ACSL1: variants seen among roughly 807,000 people sequenced by gnomAD.
The protein encoded by ACSL1 is long-chain-fatty-acid--CoA ligase 1.
Under a neutral mutation model 98.4 loss-of-function variants are expected in ACSL1, and 41 were observed. That is an observed-to-expected ratio of 0.42 (90% CI 0.32 to 0.54). ACSL1 has a LOEUF of 0.54. Among genes scored for constraint, ACSL1 ranks in the 20% least tolerant of loss-of-function variants. The probability of loss-of-function intolerance (pLI) is 0.13; values close to 1 mark genes in which losing one functional copy is unlikely to be tolerated. For synonymous variants in ACSL1, 316 were observed against 322.7 expected, an observed-to-expected ratio of 0.98 and a Z score of 0.22; for missense variants, 734 against 883.1, an observed-to-expected ratio of 0.83 and a Z score of 2.14.
At chr4:184,809,964 T>A (rs987434284) in intron 1 of ACSL1, among the ~76,000 whole-genome samples, 1 of 152,156 alleles carries the variant, frequency 6.6e-6, no homozygotes, top group Non-Finnish European at 1.5e-5. Context: ...TCCACTGAAG[T>A]TGTTGAAATT....
At chr4:184,804,572 C>A (rs1231060950) in intron 1 of ACSL1, among the ~76,000 whole-genome samples, 11 of 150,476 alleles carry the variant, frequency 7.3e-5, no homozygotes, top group African/African-American at 2.7e-4. Context: ...CAAAGTGAGA[C>A]CCCGTCTCAA....
chr4:184,799,340 C>A (rs926697778), intron 2 of ACSL1, among the ~76,000 whole-genome samples: 3 of 152,062 alleles, frequency 2.0e-5, no homozygotes, highest in Admixed American at 1.3e-4. Context: ...AGGTCTTGAA[C>A]TCCTAACCTC....
intron 11 of ACSL1, among the ~76,000 whole-genome samples, 162 bp from the exon 12 acceptor site, chr4:184,768,612 C>A (rs1368107455): frequency 6.6e-6 from 1 of 152,120 alleles, no homozygotes; most frequent in Non-Finnish European, 1.5e-5. Context: ...ATTTACTAGT[C>A]ATTGTACAAC....
At chr4:184,795,641 C>T (rs904576318) in intron 2 of ACSL1, among the ~76,000 whole-genome samples, 38 of 152,208 alleles carry the variant, frequency 2.5e-4, no homozygotes, top group Admixed American at 2.4e-3. Flanking sequence ...CCACCCCACC[C>T]AACCACCACT....
intron 2 of ACSL1, among the ~76,000 whole-genome samples, chr4:184,791,337 C>T (rs1443525701): frequency 6.6e-6 from 1 of 152,188 alleles, no homozygotes; most frequent in African/African-American, 2.4e-5. Context: ...GGAACCCTGG[C>T]TGAGCAGAAG....
intron 1 of ACSL1, among the ~76,000 whole-genome samples, chr4:184,819,363 G>A (rs1241113777): frequency 1.3e-5 from 2 of 151,872 alleles, no homozygotes; most frequent in East Asian, 1.9e-4. Flanking sequence ...GGCTGGTCTC[G>A]AACTCCTGAC....
intron 1 of ACSL1, chr4:184,821,094 G>C: frequency 2.2e-6 from 1 of 456,294 alleles, no homozygotes; most frequent in Non-Finnish European, 4.4e-6. Flanking sequence ...GTACTAATGA[G>C]TTAACCCATC....
chr4:184,802,218 TA>T (rs1240013667), intron 2 of ACSL1, among the ~76,000 whole-genome samples: 2 of 152,226 alleles, frequency 1.3e-5, no homozygotes, highest in African/African-American at 4.8e-5. Flanking sequence ...AAGAATCTTT[TA>T]TATATTTTAA....
Position 184,773,564 on chromosome 4 carries a change from G to T in ACSL1, c.841+99C>A, listed in dbSNP as rs2150320286. The stretch of plus-strand genomic sequence containing the variant: ...AACCGCTTCCTTCTCTTCTGCTTTT[G>T]GTCCGTCTACTGTTAGCTGATAAGT... On this transcript the variant is annotated intron_variant, in intron 9 of 20. Coordinates refer to ENST00000281455, the MANE Select transcript of ACSL1 (RefSeq NM_001995.5). This position sits in a 1 kb window ranked among gnomAD's most constrained non-coding sequence, Gnocchi z 4.3. The T allele has an allele frequency of 3.5e-6, 4 of 1,141,828 alleles. No homozygotes were observed. The highest frequency in any genetic ancestry group is 5.0e-6 in the Non-Finnish European group (4 of 800,096). 70.7% of individuals were successfully genotyped at this position (1,141,828 alleles called of 1,614,324 possible).
chr4:184,785,635 G>T (rs1767150997), intron 3 of ACSL1, among the ~76,000 whole-genome samples: 1 of 113,344 alleles, frequency 8.8e-6, no homozygotes, highest in Non-Finnish European at 1.7e-5. Flanking sequence ...GAAGCAAATC[G>T]AGACCTGCAA....
chr4:184,816,108 C>T (rs1438570627), intron 1 of ACSL1, among the ~76,000 whole-genome samples: 1 of 151,044 alleles, frequency 6.6e-6, no homozygotes, highest in Non-Finnish European at 1.5e-5. Context: ...ACAACAGAGA[C>T]GCCATCCAAA....
chr4:184,793,138 G>T (rs1768696671), intron 2 of ACSL1, among the ~76,000 whole-genome samples: 1 of 150,258 alleles, frequency 6.7e-6, no homozygotes, highest in Non-Finnish European at 1.5e-5. Context: ...GGCTTTAGGA[G>T]TCTTTTATTC....
chr4:184,762,379 T>C (rs778153175), intron 17 of ACSL1, 28 bp downstream of exon 17: 1 of 1,566,138 alleles, frequency 6.4e-7, no homozygotes, highest in Middle Eastern at 1.7e-4. Flanking sequence ...AACTGAACTG[T>C]TTGTGACCTG....
chr4:184,771,715 T>C (rs905071261), intron 10 of ACSL1, among the ~76,000 whole-genome samples: 4 of 152,180 alleles, frequency 2.6e-5, no homozygotes, highest in East Asian at 3.8e-4. Flanking sequence ...AATGAGGGCA[T>C]TGTCGTTACC....
chr4:184,780,178 G>A (rs1227681934), intron 5 of ACSL1, among the ~76,000 whole-genome samples, 154 bp downstream of exon 5: 1 of 152,192 alleles, frequency 6.6e-6, no homozygotes, highest in Non-Finnish European at 1.5e-5. Context: ...AGCGGCCCTG[G>A]TTGAGGTTTT....
At chr4:184,812,454 C>T (rs537576586) in intron 1 of ACSL1, among the ~76,000 whole-genome samples, 1 of 152,194 alleles carries the variant, frequency 6.6e-6, no homozygotes, top group African/African-American at 2.4e-5. Flanking sequence ...TCCTTCTACC[C>T]GCCACCAGAC....
At chr4:184,801,998 T>A (rs1342677719) in intron 2 of ACSL1, among the ~76,000 whole-genome samples, 1 of 152,190 alleles carries the variant, frequency 6.6e-6, no homozygotes, top group African/African-American at 2.4e-5. Context: ...CCGTGACACA[T>A]CAGGTGCTCT....
intron 2 of ACSL1, among the ~76,000 whole-genome samples, chr4:184,802,557 C>T (rs13105565): frequency 0.27 from 40,603 of 151,928 alleles, 6,924 homozygotes; most frequent in Non-Finnish European, 0.38. Flanking sequence ...AGTGAGCATG[C>T]GGCCTCTTCA....
chr4:184,801,207 C>T (rs1288427731), intron 2 of ACSL1, among the ~76,000 whole-genome samples: 8 of 152,182 alleles, frequency 5.3e-5, no homozygotes, highest in Admixed American at 3.9e-4. Flanking sequence ...TTACAAAGAA[C>T]CTCTGTGCTA....
Sources: gnomAD v4.1 joint callset for allele counts (sites outside exome capture counted in the v4.1 genomes callset) on GRCh38, gnomAD v4.1.1 for gene constraint, Gnocchi (gnomAD v3.1) non-coding constraint, MANE v1.5 for transcripts, NCBI Gene and HGNC (gene_info 2026-07-23, HGNC 2026-07-21) for gene names.